Variants in ITSN2 observed in about 807,000 individuals in gnomAD.
ITSN2 encodes intersectin-2.
A neutral mutation model predicts 243.7 loss-of-function variants in ITSN2; 156 were observed. The ratio of observed to expected loss-of-function variants is 0.64; its 90% CI spans 0.56 to 0.73. The LOEUF (loss-of-function observed/expected upper bound fraction) is 0.73. Among genes scored for constraint, ITSN2 ranks in the 30% least tolerant of loss-of-function variants. The pLI is 0.00. For synonymous variants in ITSN2, 703 were observed against 699.9 expected, an observed-to-expected ratio of 1.00 and a Z score of -0.07; for missense variants, 1,801 against 1,996.1, an observed-to-expected ratio of 0.90 and a Z score of 1.86.
intron 17 of ITSN2, among the ~76,000 whole-genome samples, chr2:24,281,854 T>C (rs1026242813): frequency 3.3e-5 from 5 of 152,200 alleles, no homozygotes; most frequent in South Asian, 2.1e-4. Flanking sequence ...AAAAAACCAA[T>C]AGCACTTTCT....
In ITSN2 at chr2:24,208,345, T is replaced by G. The variant is rs773463647; in HGVS notation, c.4596-26A>C. On this transcript the variant is annotated intron_variant, in intron 36 of 39. Transcript: ENST00000355123. ...CTACGGGAGAAGCAGGGGCAGCCGT[T>G]GGCCGCATCCCACCCTCACAGGTCA... is the stretch of plus-strand genomic sequence containing the variant. The G allele has an allele frequency of 1.2e-5, 19 of 1,586,868 alleles. No homozygotes were observed. The East Asian group carries it at 4.2e-4, about 35-fold the overall frequency.
At position 24,248,754 on chromosome 2, in the gene ITSN2, A is replaced by G; in HGVS notation, c.3167-4T>C. The G allele has an allele frequency of 6.2e-7, 1 of 1,613,100 alleles. No individual in the cohort carries two copies. ...GCTGAAGTTACCTGAGCAATCTCTG[A>G]AAAGACAAAGAAGAAACTATGAATT... On this transcript the variant is annotated splice_region_variant and splice_polypyrimidine_tract_variant and intron_variant, in intron 26 of 39. Transcript: ENST00000355123.
intron 29 of ITSN2, among the ~76,000 whole-genome samples, chr2:24,236,960 T>C (rs1034252351): frequency 6.6e-6 from 1 of 151,704 alleles, no homozygotes; most frequent in Non-Finnish European, 1.5e-5. Flanking sequence ...CTCTCAAAAG[T>C]GCTGGGATTA....
At chr2:24,265,735 C>T (rs1676580990) in intron 20 of ITSN2, among the ~76,000 whole-genome samples, 1 of 152,204 alleles carries the variant, frequency 6.6e-6, no homozygotes, top group African/African-American at 2.4e-5. Flanking sequence ...ACCTTTCTAG[C>T]TTCATCTCTT....
intron 1 of ITSN2, among the ~76,000 whole-genome samples, chr2:24,344,512 A>T (rs2702125): frequency 1.3e-4 from 20 of 152,286 alleles, no homozygotes; most frequent in Middle Eastern, 3.4e-3. Flanking sequence ...TAGGGAACTC[A>T]GCATTTTTCA....
At chr2:24,303,492 A>C (rs1317050538) in intron 9 of ITSN2, among the ~76,000 whole-genome samples, 1 of 152,278 alleles carries the variant, frequency 6.6e-6, no homozygotes, top group Non-Finnish European at 1.5e-5. Context: ...AAGTGTTATT[A>C]CAAGAGTCAA....
chr2:24,342,268 G>A (rs1376817557), intron 1 of ITSN2, among the ~76,000 whole-genome samples: 1 of 151,836 alleles, frequency 6.6e-6, no homozygotes, highest in Non-Finnish European at 1.5e-5. Context: ...CATAATCACG[G>A]TGCACTGCAG....
rs1458321594 is a variant in ITSN2, at chr2:24,225,476, C to T, written c.3578-4410G>A. Reference sequence around the variant, plus strand: ...AGTTCAGTGACCTCTTCTGAGCTTGCACCCTCCCCTGCCGGCCCACAGCAC... The same window carrying T: ...AGTTCAGTGACCTCTTCTGAGCTTGTACCCTCCCCTGCCGGCCCACAGCAC... On this transcript the variant is annotated intron_variant, in intron 29 of 39. Coordinates refer to ENST00000355123, the MANE Select transcript of ITSN2 (RefSeq NM_006277.3). This position sits in a 1 kb window ranked among gnomAD's most constrained non-coding sequence, Gnocchi z 4.2. 6.6e-6 allele frequency among the ~76,000 whole-genome samples: 1 copy of T among 152,192 alleles called. No homozygotes were observed. The highest frequency in any genetic ancestry group is 1.5e-5 in the Non-Finnish European group (1 of 68,034).
At chr2:24,326,599 A>G (rs1685181918) in intron 2 of ITSN2, 1 of 168,990 alleles carries the variant, frequency 5.9e-6, no homozygotes, top group African/African-American at 2.4e-5. Flanking sequence ...ATTATTAAAA[A>G]TTGTCTGTGG....
At chr2:24,320,342 A>AC (rs1684412340) in intron 2 of ITSN2, among the ~76,000 whole-genome samples, 2 of 150,170 alleles carry the variant, frequency 1.3e-5, no homozygotes, top group Non-Finnish European at 3.0e-5. Context: ...ACAAGGTGAA[A>AC]CCCCGTCTCT....
At chr2:24,237,496 T>C (rs1472608076) in intron 29 of ITSN2, among the ~76,000 whole-genome samples, 2 of 152,172 alleles carry the variant, frequency 1.3e-5, no homozygotes, top group African/African-American at 2.4e-5. Flanking sequence ...ATGTATGTCA[T>C]TCCACCAGGT....
intron 3 of ITSN2, among the ~76,000 whole-genome samples, chr2:24,314,276 T>C (rs907955957): frequency 6.6e-6 from 1 of 152,224 alleles, no homozygotes; most frequent in African/African-American, 2.4e-5. Context: ...CCACCCGTAA[T>C]GGACAAAGTT....
intron 2 of ITSN2, among the ~76,000 whole-genome samples, chr2:24,316,565 G>A (rs746661963): frequency 3.9e-5 from 6 of 152,222 alleles, no homozygotes; most frequent in Non-Finnish European, 8.8e-5. Context: ...ACAGGCGTAA[G>A]CCACCACGCC....
chr2:24,310,489 T>G lies in ITSN2; in HGVS notation c.556A>C (p.Thr186Pro). 9 of 1,613,748 alleles carry G rather than the reference T, an allele frequency of 5.6e-6. No individual in the cohort carries two copies. The highest frequency in any genetic ancestry group is 7.6e-6 in the Non-Finnish European group (9 of 1,179,620). The change falls in exon 6 of 40, where the codon ACA becomes CCA. Residue 186 changes from threonine to proline, a missense_variant and splice_region_variant. Physicochemically the swap from Thr to Pro is conservative, Grantham distance 38. Around this residue, in one of 5 missense-constraint regions of ITSN2, gnomAD observed 787 missense variants for 803.9 expected, o/e 0.98. Transcript: ENST00000355123. ...QPLPIPYSSS[T>P]LPHGSSYSLM... is the part of the protein sequence containing the mutation. ...GACTCTTTAGAAACAAAGTACTCAC[T>G]TGAAGAAGAATAAGGAATGGGTAAA...
chr2:24,257,697 T>A (rs1015720463), intron 23 of ITSN2, among the ~76,000 whole-genome samples, 191 bp downstream of exon 23: 1 of 152,124 alleles, frequency 6.6e-6, no homozygotes, highest in African/African-American at 2.4e-5. Flanking sequence ...GCTCAAGTGA[T>A]CTGCCTGCCT....
chr2:24,247,018 T>C, intron 27 of ITSN2, 125 bp from the exon 28 acceptor site: 1 of 664,540 alleles, frequency 1.5e-6, no homozygotes, highest in East Asian at 2.8e-5. Flanking sequence ...TAAAGAGAGG[T>C]CTGGTTTTTG....
chr2:24,264,942 A>AC (rs998517371), intron 20 of ITSN2, among the ~76,000 whole-genome samples: 36 of 151,996 alleles, frequency 2.4e-4, no homozygotes, highest in African/African-American at 7.7e-4. Context: ...AAAAAAAAAA[A>AC]CAAAGCCTGC....
chr2:24,261,103 T>C lies in ITSN2; in HGVS notation c.2682+3A>G. On this transcript the variant is annotated splice_donor_region_variant and intron_variant, in intron 22 of 39. Transcript: ENST00000355123. ...AAGCCCACAAAAATAACAGACAACA[T>C]ACCTGTCCATGAATAGGTGATACAG... 1 of 1,610,966 alleles carries C rather than the reference T, an allele frequency of 6.2e-7. No homozygotes were observed. Among genetic ancestry groups the C allele is most frequent in the Admixed American group, 1.7e-5 (1 of 59,344 alleles).
chr2:24,354,423 G>A lies in ITSN2; in HGVS notation c.-34+5881C>T, dbSNP rs137904032. ...AAAGGCTAATTTCCTTTCCAGTCAC[G>A]GTGTAAAACAAAGACCAAAATAAGA... On this transcript the variant is annotated intron_variant, in intron 1 of 39. Transcript: ENST00000355123. 2.1e-4 allele frequency among the ~76,000 whole-genome samples: 32 copies of A among 152,224 alleles called. No homozygotes were observed. In the East Asian group the frequency reaches 5.8e-3, roughly 28 times the overall value.
Sources: gnomAD v4.1 joint callset for allele counts (sites outside exome capture counted in the v4.1 genomes callset) on GRCh38, gnomAD v4.1.1 for gene constraint, gnomAD v4.1.1 regional missense constraint, Gnocchi (gnomAD v3.1) non-coding constraint, MANE v1.5 for transcripts, NCBI Gene and HGNC (gene_info 2026-07-23, HGNC 2026-07-21) for gene names.